The following FNBP4 variants were observed in gnomAD, a reference collection of about 807,000 sequenced individuals.
FNBP4 encodes formin-binding protein 4.
Under a neutral mutation model 119.3 loss-of-function variants are expected in FNBP4, and 34 were observed. The ratio of observed to expected loss-of-function variants is 0.28; its 90% CI spans 0.22 to 0.38. FNBP4 has a LOEUF of 0.38. FNBP4 is among the 10% of genes least tolerant of loss of function. The probability of loss-of-function intolerance (pLI) is 1.00; values close to 1 mark genes in which losing one functional copy is unlikely to be tolerated. For missense variants in FNBP4, 1,112 were observed against 1,228.9 expected (o/e 0.90, Z 1.42); for synonymous variants, 462 against 430.6 (o/e 1.07, Z -0.90).
Position 47,724,615 on chromosome 11 carries a change from G to C in FNBP4, c.2172C>G (p.Pro724=). The C allele has an allele frequency of 1.2e-6, 2 of 1,613,808 alleles. No individual in the cohort carries two copies. ...PPPPPPESPP[P]PPPPPPPAED... is the part of the protein sequence containing the mutation. ...CCGCAGGAGGAGGTGGTGGAGGAGG[G>C]GGTGGAGGTGATTCTGGAGGTGGAG... Residue 724 remains proline (P), a synonymous_variant, in exon 13 of 17, where the codon CCC becomes CCG. Transcript: ENST00000263773.
In FNBP4 at chr11:47,767,215, C is replaced by T. The variant is rs1445615274; in HGVS notation, c.74G>A (p.Ser25Asn). 1.3e-6 allele frequency: 2 copies of T among 1,567,698 alleles called. No homozygotes were observed. The highest frequency in any genetic ancestry group is 4.7e-5 in the East Asian group (2 of 42,464). ...LQLSPPGPRG[S>N]TPGRDPEPEP... ...CGGCTCCGGGTCCCGGCCCGGCGTGCTGCCCCGAGGACCCGGCGGAGAGAG... is the reference window on the plus strand; with the variant it reads ...CGGCTCCGGGTCCCGGCCCGGCGTGTTGCCCCGAGGACCCGGCGGAGAGAG... Residue 25 changes from serine to asparagine, a missense_variant, in exon 1 of 17, where the codon AGC becomes AAC. Around this residue, in one of 2 missense-constraint regions of FNBP4, gnomAD observed 286 missense variants for 240.1 expected, o/e 1.19. Transcript: ENST00000263773.
At position 47,751,169 on chromosome 11, in the gene FNBP4, T is replaced by C; in HGVS notation, c.759A>G (p.Val253=). ...TGGGCTGGTAATGCTGTAATCCCTG[T>C]ACCTGTGTGGCAAGATATTGGGGTA... The part of the protein sequence containing the change: ...WELPQYLATQ[V]QGLQHYQPSS... The change falls in exon 5 of 17, where the codon GTA becomes GTG. Residue 253 remains valine, a synonymous_variant. Transcript: ENST00000263773. 1 of 1,614,200 alleles carries C rather than the reference T, an allele frequency of 6.2e-7. No homozygotes were observed. The highest frequency in any genetic ancestry group is 1.1e-5 in the South Asian group (1 of 91,088).
intron 6 of FNBP4, among the ~76,000 whole-genome samples, chr11:47,749,826 T>G (rs1339254740): frequency 1.3e-5 from 2 of 152,156 alleles, no homozygotes; most frequent in African/African-American, 4.8e-5. Context: ...ACTCAACTGC[T>G]AAGTATAACG....
intron 12 of FNBP4, chr11:47,729,785 C>T (rs1313468001): frequency 4.1e-6 from 4 of 985,316 alleles, no homozygotes; most frequent in Non-Finnish European, 4.8e-6. Flanking sequence ...ATTAAGAGCT[C>T]TCTTTATTAG....
chr11:47,764,065 C>T (rs2097641696), intron 2 of FNBP4, among the ~76,000 whole-genome samples: 1 of 152,098 alleles, frequency 6.6e-6, no homozygotes, highest in South Asian at 2.1e-4. Context: ...GACATTCAAA[C>T]CACAGGAGTA....
chr11:47,721,741 C>T (rs1290720151), intron 15 of FNBP4, among the ~76,000 whole-genome samples: 1 of 151,692 alleles, frequency 6.6e-6, no homozygotes, highest in Non-Finnish European at 1.5e-5. Flanking sequence ...TCTTGAGACT[C>T]CGTTTCAAAA....
At position 47,736,752 on chromosome 11, in the gene FNBP4, A is replaced by C. The variant is rs1011331319; in HGVS notation, c.1457-12T>G. On this transcript the variant is annotated splice_polypyrimidine_tract_variant and intron_variant, in intron 8 of 16. Transcript: ENST00000263773. The stretch of plus-strand genomic sequence containing the variant: ...TTCAGCACCAATTGCTGTAAAAAAA[A>C]CATGTAAAATTAAACCAAAGTACCA... The C allele has an allele frequency of 2.5e-6, 4 of 1,589,658 alleles. No homozygotes were observed. The highest frequency in any genetic ancestry group is 2.2e-5 in the South Asian group (2 of 89,614).
Position 47,732,200 on chromosome 11 carries a change from A to C in FNBP4, c.1820+337T>G. On this transcript the variant is annotated intron_variant, in intron 11 of 16. Coordinates refer to ENST00000263773, the MANE Select transcript of FNBP4 (RefSeq NM_015308.5). This position sits in a 1 kb window ranked among gnomAD's most constrained non-coding sequence, Gnocchi z 4.2. ...CTTAACTTCACCGAGGTTAATCAGGAGTAGTTGCTTCCAGAGGTCCTGTAA... is the reference window on the plus strand; with the variant it reads ...CTTAACTTCACCGAGGTTAATCAGGCGTAGTTGCTTCCAGAGGTCCTGTAA... 9.5e-7 allele frequency: 1 copy of C among 1,057,988 alleles called. No individual in the cohort carries two copies. Among genetic ancestry groups the C allele is most frequent in the Non-Finnish European group, 1.1e-6 (1 of 877,074 alleles). 65.5% of individuals were successfully genotyped at this position (1,057,988 alleles called of 1,614,324 possible).
rs772166591 is a variant in FNBP4, at chr11:47,752,993, G to T, written c.560C>A (p.Ser187Tyr). The change falls in exon 4 of 17, where the codon TCT becomes TAT. Residue 187 changes from serine (S) to tyrosine (Y), a missense_variant. Coordinates refer to ENST00000263773, the MANE Select transcript of FNBP4 (RefSeq NM_015308.5). ...GTCTGTTCCATTTGAAGTAGAAGAA[G>T]AAAGGGTAGATGTTGCTGCTTCCTT... ...EPKEAATSTL[S>Y]SSTSNGTDST... 1.9e-6 allele frequency: 3 copies of T among 1,614,062 alleles called. No individual in the cohort carries two copies. The African/African-American group carries it at 4.0e-5, about 22-fold the overall frequency.
At chr11:47,747,372 T>A (rs983362381) in intron 6 of FNBP4, among the ~76,000 whole-genome samples, 1 of 151,762 alleles carries the variant, frequency 6.6e-6, no homozygotes, top group Non-Finnish European at 1.5e-5. Flanking sequence ...GCCTGGCTAA[T>A]TTTTTTTGTA....
intron 12 of FNBP4, chr11:47,725,619 T>C: frequency 4.9e-6 from 1 of 204,760 alleles, no homozygotes; most frequent in Non-Finnish European, 8.6e-6. Context: ...CATTACGAAA[T>C]TGCAGCTGAA....
Position 47,767,334 on chromosome 11 carries a change from C to T in FNBP4, c.-46G>A. On this transcript the variant is annotated 5_prime_UTR_variant, in exon 1 of 17. Coordinates refer to ENST00000263773, the MANE Select transcript of FNBP4 (RefSeq NM_015308.5). ...GAGAGCGTCGGGCGGCCGAGAGGGG[C>T]GGGCACTGGAGGCTGGGCGCTGGGC... 7.0e-7 allele frequency: 1 copy of T among 1,429,790 alleles called. No individual in the cohort carries two copies. The highest frequency in any genetic ancestry group is 9.1e-7 in the Non-Finnish European group (1 of 1,096,738). 88.6% of individuals were successfully genotyped at this position (1,429,790 alleles called of 1,614,324 possible). A position where few individuals can be genotyped will look rare whatever the true frequency, so the allele number is the denominator to read the frequency against.
chr11:47,722,360 C>T (rs1164482381), intron 15 of FNBP4, among the ~76,000 whole-genome samples: 3 of 149,394 alleles, frequency 2.0e-5, no homozygotes, highest in African/African-American at 4.9e-5. Flanking sequence ...GCGACTCTCC[C>T]GCCTCAGCCT....
intron 16 of FNBP4, among the ~76,000 whole-genome samples, chr11:47,717,983 A>C (rs2097551503): frequency 6.6e-6 from 1 of 151,074 alleles, no homozygotes. Flanking sequence ...TCGAACTCCC[A>C]ACCTCAGGTG....
Position 47,746,390 on chromosome 11 carries a change from A to G in FNBP4, c.911T>C (p.Val304Ala), listed in dbSNP as rs2097590292. 1 of 1,589,456 alleles carries G rather than the reference A, an allele frequency of 6.3e-7. No individual in the cohort carries two copies. Among genetic ancestry groups the G allele is most frequent in the Non-Finnish European group, 8.5e-7 (1 of 1,172,914 alleles). ...TGAGAGAGCCTGAATTCCTTCATTTACTTCCTATAAAGAACAAAATAATTT... is the reference window on the plus strand; with the variant it reads ...TGAGAGAGCCTGAATTCCTTCATTTGCTTCCTATAAAGAACAAAATAATTT... Reference protein sequence around the residue: ...VIAKREVKKEVNEGIQALSNS... With the variant: ...VIAKREVKKEANEGIQALSNS... The change falls in exon 7 of 17, where the codon GTA becomes GCA. Residue 304 changes from valine (V) to alanine (A), a missense_variant. Physicochemically the swap from Val to Ala is moderately conservative, Grantham distance 64. This residue lies in a region of FNBP4 where 826 missense variants were observed against 988.8 expected (regional missense o/e 0.84). Transcript: ENST00000263773.
intron 15 of FNBP4, among the ~76,000 whole-genome samples, chr11:47,721,366 T>C (rs2097555479): frequency 6.6e-6 from 1 of 151,942 alleles, no homozygotes; most frequent in Admixed American, 6.6e-5. Flanking sequence ...CCAAGGTGGG[T>C]GGATCACTTG....
rs558417248 is a variant in FNBP4 at position 47,761,860 on chromosome 11, CAG to C, written c.313+3408_313+3409del. On this transcript the variant is annotated intron_variant, in intron 2 of 16. Transcript: ENST00000263773. ...TTTAATTTCTTTTTTTTTTTTGAGA[CAG>C]AGTTTCGCTCTTGTTGCCCAGGCTG... 3.0e-4 allele frequency among the ~76,000 whole-genome samples: 45 copies of C among 151,068 alleles called. 2 individuals are homozygous for C. The East Asian group carries it at 3.9e-3, about 13-fold the overall frequency.
chr11:47,738,617 C>T (rs572232321), intron 8 of FNBP4, among the ~76,000 whole-genome samples: 4 of 151,988 alleles, frequency 2.6e-5, no homozygotes, highest in African/African-American at 4.8e-5. Flanking sequence ...ATGTGAAAAC[C>T]GTGACTTTGG....
Position 47,729,825 on chromosome 11 carries a change from T to C in FNBP4, c.2008+1549A>G, listed in dbSNP as rs953085286. On this transcript the variant is annotated intron_variant, in intron 12 of 16. Transcript: ENST00000263773. ...AGAACTGTTGATTATTGCTCTTAAATCTCACAGAACTTAGTTTAAGATTTG... is the reference window on the plus strand; with the variant it reads ...AGAACTGTTGATTATTGCTCTTAAACCTCACAGAACTTAGTTTAAGATTTG... 32 of 985,442 alleles carry C rather than the reference T, an allele frequency of 3.2e-5. No individual in the cohort carries two copies. The East Asian group carries it at 5.7e-4, about 17-fold the overall frequency. The allele number at this position is 985,442 out of a possible 1,614,324, so 61.0% of individuals were successfully genotyped here. A position where few individuals can be genotyped will look rare whatever the true frequency, so the allele number is the denominator to read the frequency against.
Sources: allele counts gnomAD v4.1 joint callset (sites outside exome capture counted in the v4.1 genomes callset), GRCh38; gene constraint gnomAD v4.1.1; regional missense constraint gnomAD v4.1.1; non-coding constraint Gnocchi (gnomAD v3.1); transcripts MANE v1.5; gene names NCBI Gene and HGNC (gene_info 2026-07-23, HGNC 2026-07-21).